ALKBH3: variants seen among roughly 807,000 people sequenced by gnomAD.
ALKBH3 encodes the protein alpha-ketoglutarate-dependent dioxygenase alkB homolog 3.
ALKBH3 carries 51 observed loss-of-function variants against 43.9 expected under a neutral mutation model. The observed-to-expected ratio is 1.16, with a 90% CI of 0.93 to 1.47. The LOEUF is 1.47. ALKBH3 is among the 40% of genes most tolerant of loss of function. ALKBH3 has a pLI of 0.00. For missense variants in ALKBH3, 361 were observed against 351.9 expected, an observed-to-expected ratio of 1.03 and a Z score of -0.21; for synonymous variants, 102 against 115.2, an observed-to-expected ratio of 0.89 and a Z score of 0.73.
chr11:43,902,666 G>A (rs532610774), intron 8 of ALKBH3, among the ~76,000 whole-genome samples: 3 of 152,282 alleles, frequency 2.0e-5, no homozygotes, highest in South Asian at 4.1e-4. Context: ...GCACGATCTC[G>A]GCTCACTGCA....
At position 43,882,167 on chromosome 11, in the gene ALKBH3, T is replaced by G. The variant is rs35677425; in HGVS notation, c.-70-416T>G. Among the ~76,000 whole-genome samples the G allele has an allele frequency of 8.7e-3, 1,318 of 152,246 alleles. 11 individuals carry two copies. The highest frequency in any genetic ancestry group is 0.013 in the Non-Finnish European group (909 of 68,014). On this transcript the variant is annotated intron_variant, in intron 1 of 9. Coordinates refer to ENST00000302708, the MANE Select transcript of ALKBH3 (RefSeq NM_139178.4). ...GGGCCATAGGTATTTTGAACAAACT[T>G]CCAGGGAAGTTTGATGCAGCCAGTG... is the stretch of plus-strand genomic sequence containing the variant.
chr11:43,888,382 C>T (rs11037709), intron 5 of ALKBH3, among the ~76,000 whole-genome samples: 27,139 of 151,172 alleles, frequency 0.18, 2,808 homozygotes, highest in Non-Finnish European at 0.24. Context: ...GGATTACAGG[C>T]GTAAGCCACC....
At position 43,899,119 on chromosome 11, in the gene ALKBH3, A is replaced by G. The variant is rs565856893; in HGVS notation, c.460-2397A>G. On this transcript the variant is annotated intron_variant, in intron 7 of 9. Coordinates refer to ENST00000302708, the MANE Select transcript of ALKBH3 (RefSeq NM_139178.4). The stretch of plus-strand genomic sequence containing the variant: ...AAAGGGGACATTGTCTTTAACATCT[A>G]TCACTCCAAGAGGTCGCCACAGCCA... 2.6e-5 allele frequency: 20 copies of G among 772,170 alleles called. 1 individual carries two copies. Among genetic ancestry groups the G allele is most frequent in the East Asian group, 1.8e-4 (7 of 39,860 alleles). The allele number at this position is 772,170 out of a possible 1,614,324, so 47.8% of individuals were successfully genotyped here.
Position 43,892,081 on chromosome 11 carries a change from A to G in ALKBH3, c.411A>G (p.Gly137=), listed in dbSNP as rs886508660. 5.0e-6 allele frequency: 8 copies of G among 1,613,632 alleles called. No individual in the cohort carries two copies. The highest frequency in any genetic ancestry group is 5.9e-6 in the Non-Finnish European group (7 of 1,179,654). ...YQQPRLTAWY[G]ELPYTYSRIT... is the part of the protein sequence containing the mutation. ...AACCAAGACTTACAGCATGGTATGG[A>G]GAACTTCCTTACACTTATTCAAGAA... is the stretch of plus-strand genomic sequence containing the variant. Residue 137 remains glycine, a synonymous_variant, in exon 7 of 10, where the codon GGA becomes GGG. Transcript: ENST00000302708.
intron 8 of ALKBH3, among the ~76,000 whole-genome samples, chr11:43,903,849 T>C (rs1441987419): frequency 1.3e-5 from 2 of 152,220 alleles, no homozygotes; most frequent in African/African-American, 4.8e-5. Context: ...CCAAATATTA[T>C]GCATTCACAA....
intron 9 of ALKBH3, among the ~76,000 whole-genome samples, 163 bp downstream of exon 9, chr11:43,919,299 C>T (rs1371543093): frequency 1.3e-5 from 2 of 152,144 alleles, no homozygotes; most frequent in African/African-American, 4.8e-5. Context: ...TACTGACAAT[C>T]CAGGTGGACA....
intron 8 of ALKBH3, among the ~76,000 whole-genome samples, chr11:43,906,575 A>G (rs1951897407): frequency 2.0e-5 from 3 of 152,156 alleles, no homozygotes. Context: ...GAGGCTGGGC[A>G]TGGTGGCTCT....
chr11:43,919,625 A>T (rs1002729918), intron 9 of ALKBH3: 21 of 355,524 alleles, frequency 5.9e-5, no homozygotes, highest in African/African-American at 4.0e-4. Flanking sequence ...GGTCTCATCC[A>T]TTTATATGTT....
intron 8 of ALKBH3, chr11:43,909,841 C>T (rs1340764618): frequency 1.3e-5 from 2 of 152,190 alleles, no homozygotes; most frequent in Non-Finnish European, 2.9e-5. Context: ...TTTTGAAGCA[C>T]AGATTCAGGA....
At chr11:43,897,913 A>G in intron 7 of ALKBH3, 1 of 783,008 alleles carries the variant, frequency 1.3e-6, no homozygotes, top group South Asian at 1.3e-5. Context: ...AAAAGGAAAG[A>G]AAATTATTGA....
chr11:43,897,805 G>A (rs1023057132), intron 7 of ALKBH3: 11 of 829,808 alleles, frequency 1.3e-5, no homozygotes, highest in Admixed American at 5.1e-5. Context: ...GATTGGACCC[G>A]TTTTGAACAG....
chr11:43,908,311 G>T (rs1003148112), intron 8 of ALKBH3, among the ~76,000 whole-genome samples: 1 of 152,208 alleles, frequency 6.6e-6, no homozygotes, highest in Non-Finnish European at 1.5e-5. Context: ...CAGTGGAAGG[G>T]TGCAGGAGGG....
intron 8 of ALKBH3, chr11:43,910,652 C>T (rs527937867): frequency 1.3e-5 from 2 of 152,304 alleles, no homozygotes; most frequent in South Asian, 4.1e-4. Context: ...CTTCCTTGTT[C>T]CTTTGTTTCT....
chr11:43,887,120 T>A (rs976515721), intron 5 of ALKBH3, among the ~76,000 whole-genome samples: 13 of 152,174 alleles, frequency 8.5e-5, no homozygotes, highest in Middle Eastern at 3.2e-3. Flanking sequence ...AAAAGTCTAC[T>A]CCCTTATTTC....
intron 8 of ALKBH3, among the ~76,000 whole-genome samples, chr11:43,910,717 C>A (rs1175022581): frequency 6.6e-6 from 1 of 152,126 alleles, no homozygotes; most frequent in Admixed American, 6.5e-5. Flanking sequence ...ATCTAAAGAA[C>A]CCATCTCTCT....
At chr11:43,898,456 A>G (rs7107050) in intron 7 of ALKBH3, 244,414 of 879,692 alleles carry the variant, frequency 0.28, 36,796 homozygotes, top group Admixed American at 0.47. Context: ...GCCCCTCTGT[A>G]TGCTCAGGCT....
At chr11:43,893,262 T>C (rs535780571) in intron 7 of ALKBH3, among the ~76,000 whole-genome samples, 1 of 152,306 alleles carries the variant, frequency 6.6e-6, no homozygotes, top group East Asian at 1.9e-4. Flanking sequence ...TGTAGGATGT[T>C]TACCAGTATG....
chr11:43,914,046 C>T (rs957519102), intron 8 of ALKBH3, among the ~76,000 whole-genome samples: 1 of 152,200 alleles, frequency 6.6e-6, no homozygotes, highest in African/African-American at 2.4e-5. Flanking sequence ...CCTCTCCTCC[C>T]TGTGCTGCAC....
intron 7 of ALKBH3, chr11:43,898,499 C>T: frequency 1.1e-6 from 1 of 943,026 alleles, no homozygotes; most frequent in Non-Finnish European, 1.7e-6. Flanking sequence ...TTGGTGAGAG[C>T]ACTCGGGGAG....
Sources: gnomAD v4.1 joint callset for allele counts (sites outside exome capture counted in the v4.1 genomes callset) on GRCh38, gnomAD v4.1.1 for gene constraint, MANE v1.5 for transcripts, NCBI Gene and HGNC (gene_info 2026-07-23, HGNC 2026-07-21) for gene names.